ADARB2: variants seen among roughly 807,000 people sequenced by gnomAD.
The protein encoded by ADARB2 is inactive double-stranded RNA-specific editase B2.
Under a neutral mutation model 62.2 loss-of-function variants are expected in ADARB2, and 25 were observed. That is an observed-to-expected ratio of 0.40 (90% CI 0.29 to 0.56). The LOEUF (loss-of-function observed/expected upper bound fraction) is 0.56. Among genes scored for constraint, ADARB2 ranks in the 20% least tolerant of loss-of-function variants. The probability of loss-of-function intolerance (pLI) is 0.43; values close to 1 mark genes in which losing one functional copy is unlikely to be tolerated. For missense variants in ADARB2, 1,071 were observed against 1,077.4 expected (o/e 0.99, Z 0.08); for synonymous variants, 572 against 500.8 (o/e 1.14, Z -1.90).
At chr10:1,308,725 G>C (rs1831655617) in intron 3 of ADARB2, among the ~76,000 whole-genome samples, 1 of 152,138 alleles carries the variant, frequency 6.6e-6, no homozygotes, top group African/African-American at 2.4e-5. Context: ...TGCATTTCCA[G>C]GTAGCTAATT....
chr10:1,735,205 T>G (rs1278570197), intron 1 of ADARB2, among the ~76,000 whole-genome samples: 1 of 152,148 alleles, frequency 6.6e-6, no homozygotes, highest in Non-Finnish European at 1.5e-5. Context: ...GCTATGAAAA[T>G]TAAGGGACTT....
chr10:1,369,158 G>C (rs554625519), intron 2 of ADARB2, among the ~76,000 whole-genome samples: 1 of 152,142 alleles, frequency 6.6e-6, no homozygotes, highest in Non-Finnish European at 1.5e-5. Context: ...TCCCCTCCCC[G>C]ACCCAGGAAA....
chr10:1,526,293 C>T (rs1024277086), intron 1 of ADARB2, among the ~76,000 whole-genome samples: 1 of 152,066 alleles, frequency 6.6e-6, no homozygotes, highest in African/African-American at 2.4e-5. Context: ...ATGCCTGGAA[C>T]CCCATCCCTA....
intron 7 of ADARB2, among the ~76,000 whole-genome samples, chr10:1,213,383 A>C (rs1443538479): frequency 6.6e-6 from 1 of 152,200 alleles, no homozygotes; most frequent in South Asian, 2.1e-4. Flanking sequence ...GGACAAGGGG[A>C]AGCCAAGTCT....
intron 1 of ADARB2, among the ~76,000 whole-genome samples, chr10:1,610,588 G>A (rs1382487926): frequency 2.6e-5 from 4 of 152,208 alleles, no homozygotes; most frequent in Non-Finnish European, 5.9e-5. Flanking sequence ...CTGCTGAGCC[G>A]GGAATAAGGG....
At chr10:1,725,336 T>G (rs1478179954) in intron 1 of ADARB2, among the ~76,000 whole-genome samples, 1 of 152,162 alleles carries the variant, frequency 6.6e-6, no homozygotes, top group Non-Finnish European at 1.5e-5. Flanking sequence ...TTATTTCTTC[T>G]CCATCATGGG....
intron 1 of ADARB2, among the ~76,000 whole-genome samples, chr10:1,475,170 C>T (rs58890371): frequency 7.2e-5 from 11 of 152,020 alleles, no homozygotes; most frequent in South Asian, 2.1e-4. Context: ...ACTCAGGAGC[C>T]CCCCCGGGGC....
chr10:1,714,588 C>G (rs538447933), intron 1 of ADARB2, among the ~76,000 whole-genome samples: 4 of 152,324 alleles, frequency 2.6e-5, no homozygotes, highest in African/African-American at 9.6e-5. Context: ...TAACTCCCTT[C>G]TTATGTTTCT....
chr10:1,485,479 C>T (rs1262885844), intron 1 of ADARB2, among the ~76,000 whole-genome samples: 4 of 152,074 alleles, frequency 2.6e-5, no homozygotes, highest in Non-Finnish European at 2.9e-5. Context: ...GTAGGCACCA[C>T]GCAGCTCCGC....
chr10:1,209,626 C>T (rs1467517878), intron 7 of ADARB2, among the ~76,000 whole-genome samples: 1 of 151,042 alleles, frequency 6.6e-6, no homozygotes, highest in African/African-American at 2.4e-5. Flanking sequence ...CCATCACCCA[C>T]ACCCACATCC....
intron 1 of ADARB2, among the ~76,000 whole-genome samples, chr10:1,629,822 C>T (rs915253537): frequency 6.6e-6 from 1 of 152,108 alleles, no homozygotes; most frequent in Admixed American, 6.5e-5. Flanking sequence ...ACATGCCATT[C>T]CGAGAATGGC....
At chr10:1,320,758 ACAG>A (rs1215374557) in intron 3 of ADARB2, among the ~76,000 whole-genome samples, 13 of 152,342 alleles carry the variant, frequency 8.5e-5, no homozygotes, top group Non-Finnish European at 1.8e-4. Context: ...AAAATAAGAG[ACAG>A]ATGATAAAAT....
intron 4 of ADARB2, among the ~76,000 whole-genome samples, chr10:1,269,823 C>G (rs1282156385): frequency 7.2e-6 from 1 of 139,114 alleles, no homozygotes; most frequent in Non-Finnish European, 1.7e-5. Flanking sequence ...TCACCTCCAG[C>G]AGGGATGAGC....
At chr10:1,682,207 A>G (rs1320416823) in intron 1 of ADARB2, among the ~76,000 whole-genome samples, 2 of 152,248 alleles carry the variant, frequency 1.3e-5, no homozygotes, top group Admixed American at 6.5e-5. Context: ...TGGAGGAATA[A>G]GAGAGCACTG....
At chr10:1,553,912 C>G (rs1832664334) in intron 1 of ADARB2, among the ~76,000 whole-genome samples, 1 of 152,184 alleles carries the variant, frequency 6.6e-6, no homozygotes, top group African/African-American at 2.4e-5. Context: ...TCACTTAGAA[C>G]CGGTAGAATT....
chr10:1,202,116 T>TG (rs1477647147), intron 7 of ADARB2, among the ~76,000 whole-genome samples: 2 of 151,520 alleles, frequency 1.3e-5, no homozygotes, highest in African/African-American at 2.4e-5. Flanking sequence ...TGTTTTGTTT[T>TG]TTTTTCAATA....
chr10:1,278,046 T>C (rs1380152210), intron 3 of ADARB2, among the ~76,000 whole-genome samples: 4 of 152,066 alleles, frequency 2.6e-5, no homozygotes, highest in Non-Finnish European at 5.9e-5. Context: ...CTCGGCTCAC[T>C]GCAACCTCCG....
Position 1,539,064 on chromosome 10 carries a change from G to T in ADARB2, c.101-159904C>A, listed in dbSNP as rs1832375342. Among the ~76,000 whole-genome samples the T allele has an allele frequency of 2.0e-5, 3 of 152,164 alleles. No homozygotes were observed. In the South Asian group the frequency reaches 6.2e-4, roughly 32 times the overall value. ...CGTCGGCCCTGGGATGTGAGTCTCT[G>T]CATCCTACAGCCAGAGTTTCCTCTA... On this transcript the variant is annotated intron_variant, in intron 1 of 9. Transcript: ENST00000381312.
At chr10:1,539,299 G>T (rs1832379381) in intron 1 of ADARB2, among the ~76,000 whole-genome samples, 1 of 152,210 alleles carries the variant, frequency 6.6e-6, no homozygotes, top group Admixed American at 6.5e-5. Context: ...GAGCATGAAG[G>T]GGCCTGGAGT....
Sources: allele counts gnomAD v4.1 joint callset (sites outside exome capture counted in the v4.1 genomes callset), GRCh38; gene constraint gnomAD v4.1.1; transcripts MANE v1.5; gene names NCBI Gene and HGNC (gene_info 2026-07-23, HGNC 2026-07-21).